ARID3B: variants seen among roughly 807,000 people sequenced by gnomAD.
ARID3B encodes the protein AT-rich interactive domain-containing protein 3B.
A neutral mutation model predicts 51.9 loss-of-function variants in ARID3B; 10 were observed. The observed-to-expected ratio is 0.19, with a 90% CI of 0.12 to 0.33. The LOEUF is 0.33. ARID3B is among the 10% of genes least tolerant of loss of function. The probability of loss-of-function intolerance (pLI) is 1.00; values close to 1 mark genes in which losing one functional copy is unlikely to be tolerated. For missense variants in ARID3B, 483 were observed against 716.3 expected (o/e 0.67, Z 3.72); for synonymous variants, 205 against 279.5 (o/e 0.73, Z 2.66).
rs139916482 is a variant in ARID3B at position 74,591,311 on chromosome 15, G to A, written c.1042G>A (p.Ala348Thr). 106 of 1,613,874 alleles carry A rather than the reference G, an allele frequency of 6.6e-5. No homozygotes were observed. In the South Asian group the frequency reaches 7.5e-4, roughly 11 times the overall value. Residue 348 changes from alanine (A) to threonine (T), a missense_variant, in exon 6 of 9, where the codon GCT becomes ACT. Physicochemically the swap from Ala to Thr is moderately conservative, Grantham distance 58. Around this residue, in one of 3 missense-constraint regions of ARID3B, gnomAD observed 265 missense variants for 354.4 expected, o/e 0.75. Transcript: ENST00000346246. The surrounding 1 kb of genome is among the most constrained non-coding windows in gnomAD (Gnocchi z 5.8). Reference sequence around the variant, plus strand: ...ACCTGCTGCGGCTACTGCTGCTGCCGCTGCCGGGGCCCCTGCCCTTCTCTC... The same window carrying A: ...ACCTGCTGCGGCTACTGCTGCTGCCACTGCCGGGGCCCCTGCCCTTCTCTC... ...YSPAAATAAA[A>T]AGAPALLSPP...
chr15:74,588,667 G>A (rs370812684), intron 4 of ARID3B, among the ~76,000 whole-genome samples: 1 of 152,052 alleles, frequency 6.6e-6, no homozygotes, highest in Non-Finnish European at 1.5e-5. Flanking sequence ...CATCCATCAC[G>A]CCTCCTGATG....
chr15:74,595,184 T>C (rs770159842), intron 8 of ARID3B, among the ~76,000 whole-genome samples: 16 of 152,104 alleles, frequency 1.1e-4, no homozygotes, highest in Non-Finnish European at 1.9e-4. Context: ...TAGCTGGGAC[T>C]ACCCATGCCC....
intron 2 of ARID3B, among the ~76,000 whole-genome samples, chr15:74,550,982 G>C (rs1030888): frequency 0.12 from 17,697 of 152,208 alleles, 1,903 homozygotes; most frequent in East Asian, 0.42. Context: ...GCAGGGGATT[G>C]GTTCCAAGAC....
chr15:74,588,704 T>C (rs941518296), intron 4 of ARID3B, among the ~76,000 whole-genome samples: 1 of 152,078 alleles, frequency 6.6e-6, no homozygotes, highest in Non-Finnish European at 1.5e-5. Flanking sequence ...GTGAAAGGAC[T>C]TGCCCCGCCC....
intron 2 of ARID3B, among the ~76,000 whole-genome samples, chr15:74,553,673 T>C: frequency 6.6e-6 from 1 of 152,178 alleles, no homozygotes; most frequent in African/African-American, 2.4e-5. Flanking sequence ...ATGTTGGCCT[T>C]ATGTGTGATT....
At position 74,571,527 on chromosome 15, in the gene ARID3B, A is replaced by G. The variant is rs571905792; in HGVS notation, c.553-1335A>G. ...GGGTGAACAAGAGAGTTATACTGTG[A>G]GAGTTCATACCCTCACTAGCACAAA... On this transcript the variant is annotated intron_variant, in intron 2 of 8. Coordinates refer to ENST00000346246, the MANE Select transcript of ARID3B (RefSeq NM_006465.4). Among the ~76,000 whole-genome samples the G allele has an allele frequency of 3.9e-5, 6 of 152,336 alleles. No individual in the cohort carries two copies. The East Asian group carries it at 1.2e-3, about 29-fold the overall frequency.
Position 74,591,668 on chromosome 15 carries a change from G to T in ARID3B, c.1274G>T (p.Arg425Leu), listed in dbSNP as rs752995560. The T allele has an allele frequency of 6.2e-7, 1 of 1,609,094 alleles. No homozygotes were observed. The highest frequency in any genetic ancestry group is 8.5e-7 in the Non-Finnish European group (1 of 1,178,000). Residue 425 changes from arginine (R) to leucine (L), a missense_variant, in exon 7 of 9, where the codon CGG becomes CTG. Around this residue, in one of 3 missense-constraint regions of ARID3B, gnomAD observed 265 missense variants for 354.4 expected, o/e 0.75. Transcript: ENST00000346246. This position sits in a 1 kb window ranked among gnomAD's most constrained non-coding sequence, Gnocchi z 5.8. ...GTRTAALEQL[R>L]ERLESGEPAE... ...CGGACCGCCGCACTGGAGCAGCTGC[G>T]GGAGCGGCTGGAGTCAGGGGAGCCT...
In ARID3B at chr15:74,591,536, G is replaced by T; in HGVS notation, c.1166-24G>T. 6.2e-7 allele frequency: 1 copy of T among 1,604,470 alleles called. No homozygotes were observed. The highest frequency in any genetic ancestry group is 8.5e-7 in the Non-Finnish European group (1 of 1,172,540). On this transcript the variant is annotated intron_variant, in intron 6 of 8. Coordinates refer to ENST00000346246, the MANE Select transcript of ARID3B (RefSeq NM_006465.4). This position sits in a 1 kb window ranked among gnomAD's most constrained non-coding sequence, Gnocchi z 5.8. ...GGGGCAAGAGGGTCAATTGTGGATTGGTCCAGCTCCAGTTCCTTTGCAGGT... is the reference window on the plus strand; with the variant it reads ...GGGGCAAGAGGGTCAATTGTGGATTTGTCCAGCTCCAGTTCCTTTGCAGGT...
intron 4 of ARID3B, among the ~76,000 whole-genome samples, chr15:74,575,195 A>AT (rs1489960196): frequency 1.3e-5 from 2 of 152,136 alleles, no homozygotes; most frequent in East Asian, 3.9e-4. Flanking sequence ...AGGGGCTGCC[A>AT]TAGCAATATA....
chr15:74,564,152 C>T (rs748218017), intron 2 of ARID3B, among the ~76,000 whole-genome samples: 1 of 152,188 alleles, frequency 6.6e-6, no homozygotes, highest in East Asian at 1.9e-4. Flanking sequence ...TAGTTAAGAG[C>T]ACTAATCCTG....
chr15:74,583,590 G>A (rs151236989), intron 4 of ARID3B, among the ~76,000 whole-genome samples: 346 of 152,108 alleles, frequency 2.3e-3, no homozygotes, highest in African/African-American at 8.2e-3. Flanking sequence ...GGTGGCAAGC[G>A]CCTGTAATCC....
intron 2 of ARID3B, among the ~76,000 whole-genome samples, chr15:74,557,157 A>G (rs1222932899): frequency 1.3e-5 from 2 of 151,854 alleles, no homozygotes; most frequent in Non-Finnish European, 2.9e-5. Context: ...GCTCATACCT[A>G]TAATTCCAGC....
intron 4 of ARID3B, 54 bp from the exon 5 acceptor site, chr15:74,589,765 TC>T: frequency 6.5e-7 from 1 of 1,530,664 alleles, no homozygotes. Context: ...ACGGAATCTT[TC>T]TTCTCAGCCT....
intron 4 of ARID3B, among the ~76,000 whole-genome samples, chr15:74,581,977 A>G (rs955611454): frequency 3.3e-5 from 5 of 152,176 alleles, no homozygotes; most frequent in Admixed American, 3.3e-4. Context: ...ACAGCATTGG[A>G]AACTCAGACA....
chr15:74,542,969 G>C (rs2061600088), intron 1 of ARID3B, among the ~76,000 whole-genome samples: 1 of 152,138 alleles, frequency 6.6e-6, no homozygotes, highest in Admixed American at 6.6e-5. Context: ...TTTTGTGTTT[G>C]TCAGAGAATA....
At chr15:74,542,061 G>T (rs539470724) in intron 1 of ARID3B, among the ~76,000 whole-genome samples, 1 of 152,206 alleles carries the variant, frequency 6.6e-6, no homozygotes, top group Non-Finnish European at 1.5e-5. Context: ...CTCCCCCTCT[G>T]CTGGGGACAG....
intron 1 of ARID3B, among the ~76,000 whole-genome samples, chr15:74,542,974 A>G (rs2061600126): frequency 6.6e-6 from 1 of 152,232 alleles, no homozygotes; most frequent in Non-Finnish European, 1.5e-5. Context: ...TGTTTGTCAG[A>G]GAATATCATA....
chr15:74,561,182 C>T (rs1042715348), intron 2 of ARID3B, among the ~76,000 whole-genome samples: 2 of 152,118 alleles, frequency 1.3e-5, no homozygotes, highest in African/African-American at 4.8e-5. Flanking sequence ...TTTATGGTTT[C>T]TGTCATACTT....
At chr15:74,581,367 C>T (rs1293721489) in intron 4 of ARID3B, among the ~76,000 whole-genome samples, 1 of 152,194 alleles carries the variant, frequency 6.6e-6, no homozygotes, top group Non-Finnish European at 1.5e-5. Flanking sequence ...ATGTTCATGA[C>T]ATATATTGCT....
Sources: allele counts gnomAD v4.1 joint callset (sites outside exome capture counted in the v4.1 genomes callset), GRCh38; gene constraint gnomAD v4.1.1; regional missense constraint gnomAD v4.1.1; non-coding constraint Gnocchi (gnomAD v3.1); transcripts MANE v1.5; gene names NCBI Gene and HGNC (gene_info 2026-07-23, HGNC 2026-07-21).